The following TEAD1 variants were observed in gnomAD, a reference collection of about 807,000 sequenced individuals.
TEAD1 encodes TEA domain transcription factor 1.
A neutral mutation model predicts 54.9 loss-of-function variants in TEAD1; 9 were observed. The observed-to-expected ratio is 0.16, with a 90% CI of 0.10 to 0.29. The LOEUF (loss-of-function observed/expected upper bound fraction) is 0.29, where lower values mean the gene tolerates loss of function less well. Among genes scored for constraint, TEAD1 ranks in the 10% least tolerant of loss-of-function variants. The pLI is 1.00. For synonymous variants in TEAD1, 200 were observed against 187.8 expected (o/e 1.07, Z -0.53); for missense variants, 387 against 535.9 (o/e 0.72, Z 2.74).
chr11:12,762,089 A>G (rs1201069349), intron 2 of TEAD1, among the ~76,000 whole-genome samples: 2 of 152,140 alleles, frequency 1.3e-5, no homozygotes, highest in East Asian at 3.9e-4. Flanking sequence ...CTGACTGAGC[A>G]CTGGGCATAA....
chr11:12,888,527 C>T (rs1948136030), intron 9 of TEAD1, among the ~76,000 whole-genome samples: 1 of 152,054 alleles, frequency 6.6e-6, no homozygotes, highest in South Asian at 2.1e-4. Flanking sequence ...GACATGGTTG[C>T]ATACTTTGGT....
At chr11:12,841,836 CTT>C (rs1947047254) in intron 3 of TEAD1, among the ~76,000 whole-genome samples, 1 of 152,188 alleles carries the variant, frequency 6.6e-6, no homozygotes, top group Non-Finnish European at 1.5e-5. Flanking sequence ...AGGCTGATAA[CTT>C]TACCTAGAGT....
chr11:12,941,242 A>C lies in TEAD1; in HGVS notation c.*4020A>C, dbSNP rs906005748. 2 of 152,158 alleles carry C rather than the reference A, an allele frequency of 1.3e-5. No homozygotes were observed. Among genetic ancestry groups the C allele is most frequent in the Non-Finnish European group, 2.9e-5 (2 of 68,014 alleles). 9.4% of individuals were successfully genotyped at this position (152,158 alleles called of 1,614,324 possible). A position where few individuals can be genotyped will look rare whatever the true frequency, so the allele number is the denominator to read the frequency against. On this transcript the variant is annotated 3_prime_UTR_variant, in exon 13 of 13. Transcript: ENST00000527636. ...TGAAGTGTCCTGTCCGACCATTGCT[A>C]TCTGAGGCATCCACAAGCAGGTAGG...
At chr11:12,912,073 T>C (rs1375662200) in intron 10 of TEAD1, among the ~76,000 whole-genome samples, 1 of 151,896 alleles carries the variant, frequency 6.6e-6, no homozygotes, top group Non-Finnish European at 1.5e-5. Context: ...CACCTGAGAG[T>C]TTGTTGAGGA....
chr11:12,759,867 CA>C (rs963422614), intron 2 of TEAD1, among the ~76,000 whole-genome samples: 1 of 151,508 alleles, frequency 6.6e-6, no homozygotes, highest in Non-Finnish European at 1.5e-5. Flanking sequence ...ATCTCAAAAG[CA>C]AAAAAAATTA....
intron 5 of TEAD1, among the ~76,000 whole-genome samples, chr11:12,871,595 CCTT>C (rs1431543275): frequency 6.6e-6 from 1 of 152,090 alleles, no homozygotes; most frequent in East Asian, 1.9e-4. Context: ...TGCTCAGAGT[CCTT>C]CTTTCCCCAT....
At chr11:12,885,775 C>T (rs1948074578) in intron 9 of TEAD1, among the ~76,000 whole-genome samples, 1 of 152,258 alleles carries the variant, frequency 6.6e-6, no homozygotes. Context: ...CCTCTTAGGG[C>T]CCAGAAGGCT....
chr11:12,675,089 A>C (rs1048213604), intron 1 of TEAD1, among the ~76,000 whole-genome samples: 8 of 146,136 alleles, frequency 5.5e-5, no homozygotes, highest in African/African-American at 2.0e-4. Flanking sequence ...CCGCGCGGCA[A>C]CAGGCGGCCC....
intron 5 of TEAD1, among the ~76,000 whole-genome samples, chr11:12,872,443 A>G (rs1947769091): frequency 6.6e-6 from 1 of 152,178 alleles, no homozygotes; most frequent in African/African-American, 2.4e-5. Context: ...GTTCTTTTGC[A>G]TTTATGACAT....
At chr11:12,779,001 T>C (rs1021809780) in intron 3 of TEAD1, among the ~76,000 whole-genome samples, 4 of 152,240 alleles carry the variant, frequency 2.6e-5, no homozygotes, top group Non-Finnish European at 4.4e-5. Context: ...TTGTTCACAG[T>C]AGTAAAGCAT....
intron 3 of TEAD1, among the ~76,000 whole-genome samples, chr11:12,831,062 A>C (rs1256358108): frequency 6.6e-6 from 1 of 152,170 alleles, no homozygotes. Flanking sequence ...CCAGCCGTTC[A>C]GTTCCACTGA....
rs1444541220 is a variant in TEAD1, at chr11:12,675,405, C to G, written c.-207-4C>G. On this transcript the variant is annotated splice_region_variant and splice_polypyrimidine_tract_variant and intron_variant, in intron 1 of 12. Coordinates refer to ENST00000527636, the MANE Select transcript of TEAD1 (RefSeq NM_021961.6). ...GGGCACGGTCGTCTTTGCCGCTTCT[C>G]CAGGACTGTTGCTGCCGCTGCCGCC... 6.5e-6 allele frequency: 1 copy of G among 152,742 alleles called. No homozygotes were observed. Among genetic ancestry groups the G allele is most frequent in the South Asian group, 2.1e-4 (1 of 4,834 alleles). The allele number at this position is 152,742 out of a possible 1,614,324, so 9.5% of individuals were successfully genotyped here. A position where few individuals can be genotyped will look rare whatever the true frequency, so the allele number is the denominator to read the frequency against.
chr11:12,683,615 G>C (rs1943271474), intron 2 of TEAD1, among the ~76,000 whole-genome samples: 1 of 152,084 alleles, frequency 6.6e-6, no homozygotes, highest in Non-Finnish European at 1.5e-5. Context: ...CATTTTGGGG[G>C]GTGAGTTGGG....
intron 3 of TEAD1, among the ~76,000 whole-genome samples, chr11:12,814,856 GCTGTGTGTGTGTGT>G (rs1171248111): frequency 1.9e-4 from 27 of 144,462 alleles, no homozygotes; most frequent in Non-Finnish European, 3.3e-4. Context: ...TCCGTCCCGA[GCTGTGTGTGTGTGT>G]CTGTGTGTGT....
intron 6 of TEAD1, among the ~76,000 whole-genome samples, chr11:12,880,445 G>C (rs1947942320): frequency 6.6e-6 from 1 of 152,096 alleles, no homozygotes. Flanking sequence ...GTGATGTCAA[G>C]AATCAGCCCC....
In TEAD1 at chr11:12,944,665, A is replaced by G. The variant is rs1949190728; in HGVS notation, c.*7443A>G. On this transcript the variant is annotated 3_prime_UTR_variant, in exon 13 of 13. Transcript: ENST00000527636. Reference sequence around the variant, plus strand: ...ATGCCTTCTTGATAAAGTGGTAGACATTTTGTAGCTTTCTAGAAACTTTGT... The same window carrying G: ...ATGCCTTCTTGATAAAGTGGTAGACGTTTTGTAGCTTTCTAGAAACTTTGT... Among the ~76,000 whole-genome samples the G allele has an allele frequency of 6.6e-6, 1 of 152,204 alleles. No individual in the cohort carries two copies. The highest frequency in any genetic ancestry group is 2.4e-5 in the African/African-American group (1 of 41,452).
chr11:12,782,139 A>G (rs905904859), intron 3 of TEAD1, among the ~76,000 whole-genome samples: 9 of 152,064 alleles, frequency 5.9e-5, no homozygotes, highest in African/African-American at 1.9e-4. Context: ...CAAAAAACAA[A>G]ACAAACTTGT....
intron 2 of TEAD1, among the ~76,000 whole-genome samples, chr11:12,694,043 A>G (rs993998958): frequency 3.3e-5 from 5 of 152,230 alleles, no homozygotes; most frequent in African/African-American, 1.2e-4. Flanking sequence ...TCTGAATGTC[A>G]GGCTGCGTTG....
chr11:12,704,269 C>T (rs1343489815), intron 2 of TEAD1, among the ~76,000 whole-genome samples: 1 of 152,138 alleles, frequency 6.6e-6, no homozygotes, highest in Non-Finnish European at 1.5e-5. Flanking sequence ...GCCGGAGGGG[C>T]CACTGTTTTC....
Sources: allele counts gnomAD v4.1 joint callset (sites outside exome capture counted in the v4.1 genomes callset), GRCh38; gene constraint gnomAD v4.1.1; transcripts MANE v1.5; gene names NCBI Gene and HGNC (gene_info 2026-07-23, HGNC 2026-07-21).